USP44: variants seen among roughly 807,000 people sequenced by gnomAD.
USP44 encodes ubiquitin specific peptidase 44.
Under a neutral mutation model 69.0 loss-of-function variants are expected in USP44, and 61 were observed. The observed-to-expected ratio is 0.88, with a 90% CI of 0.72 to 1.09. The LOEUF is 1.09. Among genes scored for constraint, USP44 ranks in the 50% least tolerant of loss-of-function variants. The pLI is 0.00. For missense variants in USP44, 753 were observed against 849.9 expected, an observed-to-expected ratio of 0.89 and a Z score of 1.42; for synonymous variants, 297 against 295.4, an observed-to-expected ratio of 1.01 and a Z score of -0.06.
At chr12:95,526,914 T>A (rs1240112897) in intron 3 of USP44, among the ~76,000 whole-genome samples, 4 of 152,264 alleles carry the variant, frequency 2.6e-5, no homozygotes, top group East Asian at 3.9e-4. Flanking sequence ...TTCTTTTTTT[T>A]AATTTCAATA....
chr12:95,528,420 C>A (rs558159882), intron 3 of USP44, among the ~76,000 whole-genome samples: 1 of 152,326 alleles, frequency 6.6e-6, no homozygotes, highest in East Asian at 1.9e-4. Flanking sequence ...TATAGACATA[C>A]ACACACGCAT....
Position 95,535,583 on chromosome 12 carries a change from A to G in USP44, c.-70-1257T>C, listed in dbSNP as rs1007397322. On this transcript the variant is annotated intron_variant, in intron 1 of 5. Coordinates refer to ENST00000258499, the MANE Select transcript of USP44 (RefSeq NM_032147.5). Reference sequence around the variant, plus strand: ...AGCAGGCCTAAACCTATCTGAAATTATAAGCTTATTTTTTTAAAAAAGCTT... The same window carrying G: ...AGCAGGCCTAAACCTATCTGAAATTGTAAGCTTATTTTTTTAAAAAAGCTT... Among the ~76,000 whole-genome samples the G allele has an allele frequency of 2.0e-5, 3 of 152,234 alleles. No individual in the cohort carries two copies. The East Asian group carries it at 5.8e-4, about 29-fold the overall frequency.
chr12:95,540,500 G>A lies in USP44; in HGVS notation c.-70-6174C>T, dbSNP rs1402243914. 2.6e-5 allele frequency among the ~76,000 whole-genome samples: 4 copies of A among 151,788 alleles called. No homozygotes were observed. In the South Asian group the frequency reaches 6.3e-4, roughly 24 times the overall value. The stretch of plus-strand genomic sequence containing the variant: ...TGGGATTACAGGCACATGCCACCAC[G>A]CAAGGCGAATTTTGTATTTTTAGTA... On this transcript the variant is annotated intron_variant, in intron 1 of 5. Transcript: ENST00000258499.
Position 95,533,918 on chromosome 12 carries a change from T to G in USP44, c.339A>C (p.Thr113=). Reference sequence around the variant, plus strand: ...ACCGTAAAAACCTCCCACTACGAGTTGTGCAGTGATAATTTTGACTTTTGA... The same window carrying G: ...ACCGTAAAAACCTCCCACTACGAGTGGTGCAGTGATAATTTTGACTTTTGA... ...SAIKSQNYHC[T]TRSGRFLRSM... is the part of the protein sequence containing the mutation. The change falls in exon 2 of 6, where the codon ACA becomes ACC. Residue 113 remains threonine (T), a synonymous_variant. Coordinates refer to ENST00000258499, the MANE Select transcript of USP44 (RefSeq NM_032147.5). 6.2e-7 allele frequency: 1 copy of G among 1,614,198 alleles called. No homozygotes were observed. Among genetic ancestry groups the G allele is most frequent in the East Asian group, 2.2e-5 (1 of 44,886 alleles).
chr12:95,534,125 G>A lies in USP44; in HGVS notation c.132C>T (p.Cys44=), dbSNP rs759169075. 17 of 1,614,072 alleles carry A rather than the reference G, an allele frequency of 1.1e-5. No homozygotes were observed. The highest frequency in any genetic ancestry group is 1.4e-5 in the Non-Finnish European group (16 of 1,180,040). Residue 44 remains cysteine (C), a synonymous_variant, in exon 2 of 6, where the codon TGC becomes TGT. Transcript: ENST00000258499. ...TTESIWACLS[C]SHVACGRYIE... The stretch of plus-strand genomic sequence containing the variant: ...TATATCTTCCACAGGCAACATGGGA[G>A]CAGCTAAGGCAAGCCCAAATGGACT...
intron 1 of USP44, chr12:95,546,951 A>G (rs998421298): frequency 2.6e-5 from 4 of 152,200 alleles, no homozygotes; most frequent in African/African-American, 4.8e-5. Flanking sequence ...GGTAGAGTGG[A>G]TATGACGCTT....
At chr12:95,519,565 C>A (rs192600526) in intron 5 of USP44, among the ~76,000 whole-genome samples, 1 of 150,668 alleles carries the variant, frequency 6.6e-6, no homozygotes, top group African/African-American at 2.4e-5. Flanking sequence ...TCAGCCTCTC[C>A]GAGTAGCTGG....
rs1769191440 is a variant in USP44 at position 95,547,221 on chromosome 12, C to G, written c.-71+4051G>C. Among the ~76,000 whole-genome samples the G allele has an allele frequency of 3.9e-5, 6 of 152,162 alleles. No individual in the cohort carries two copies. The South Asian group carries it at 1.2e-3, about 32-fold the overall frequency. Reference sequence around the variant, plus strand: ...AAAGTAGTCAAAATATTTCAGCTTTCTAAACTGTATGCACTGGACTAACTG... The same window carrying G: ...AAAGTAGTCAAAATATTTCAGCTTTGTAAACTGTATGCACTGGACTAACTG... On this transcript the variant is annotated intron_variant, in intron 1 of 5. Transcript: ENST00000258499.
At position 95,517,976 on chromosome 12, in the gene USP44, G is replaced by A. The variant is rs972378152; in HGVS notation, c.*178C>T. 1 of 546,052 alleles carries A rather than the reference G, an allele frequency of 1.8e-6. No individual in the cohort carries two copies. The allele number at this position is 546,052 out of a possible 1,614,324, so 33.8% of individuals were successfully genotyped here. On this transcript the variant is annotated 3_prime_UTR_variant, in exon 6 of 6. Coordinates refer to ENST00000258499, the MANE Select transcript of USP44 (RefSeq NM_032147.5). ...GTTTAAAACTCCAAATATGAAAAAA[G>A]TAGTTACCTTCAGTTGATATATACA...
chr12:95,540,141 C>G (rs980718156), intron 1 of USP44, among the ~76,000 whole-genome samples: 1 of 152,156 alleles, frequency 6.6e-6, no homozygotes, highest in African/African-American at 2.4e-5. Context: ...CAGTTCTAGA[C>G]AGCTAACTAC....
intron 1 of USP44, among the ~76,000 whole-genome samples, chr12:95,538,652 T>C (rs1005525264): frequency 1.3e-5 from 2 of 152,200 alleles, no homozygotes; most frequent in African/African-American, 4.8e-5. Flanking sequence ...CCACTTACCC[T>C]GTCTACTTAT....
At position 95,533,684 on chromosome 12, in the gene USP44, C is replaced by T; in HGVS notation, c.573G>A (p.Lys191=). The part of the protein sequence containing the change: ...QEKIVVKREV[K]KRRQELEYQV... ...GATACTCCAATTCCTGCCGTCTTTT[C>T]TTTACTTCTCTTTTTACTACTATTT... The change falls in exon 2 of 6, where the codon AAG becomes AAA. Residue 191 remains lysine, a synonymous_variant. Coordinates refer to ENST00000258499, the MANE Select transcript of USP44 (RefSeq NM_032147.5). 1 of 1,613,846 alleles carries T rather than the reference C, an allele frequency of 6.2e-7. No individual in the cohort carries two copies. The highest frequency in any genetic ancestry group is 8.5e-7 in the Non-Finnish European group (1 of 1,180,004).
chr12:95,531,616 C>T, intron 2 of USP44, among the ~76,000 whole-genome samples: 1 of 152,128 alleles, frequency 6.6e-6, no homozygotes, highest in East Asian at 1.9e-4. Context: ...CTAATTGACA[C>T]AAAATCTTTG....
intron 5 of USP44, among the ~76,000 whole-genome samples, chr12:95,519,432 A>ATTTTTTTTT (rs60940181): frequency 1.2e-5 from 1 of 84,538 alleles, no homozygotes; most frequent in Non-Finnish European, 2.2e-5. Context: ...CTCAATCTGT[A>ATTTTTTTTT]TTTTTTTTTT....
At chr12:95,531,391 G>A (rs2077016569) in intron 2 of USP44, among the ~76,000 whole-genome samples, 1 of 151,978 alleles carries the variant, frequency 6.6e-6, no homozygotes, top group Non-Finnish European at 1.5e-5. Context: ...AAAAAGACTA[G>A]AAAATATACC....
At chr12:95,519,228 C>T (rs1162310013) in intron 5 of USP44, among the ~76,000 whole-genome samples, 4 of 151,974 alleles carry the variant, frequency 2.6e-5, no homozygotes, top group African/African-American at 9.7e-5. Flanking sequence ...TTGTTATATG[C>T]ACTCTGTTAA....
intron 3 of USP44, among the ~76,000 whole-genome samples, chr12:95,525,155 T>G (rs1405622059): frequency 6.6e-6 from 1 of 152,232 alleles, no homozygotes; most frequent in Non-Finnish European, 1.5e-5. Flanking sequence ...CACCACAACC[T>G]CCGCCTCCTG....
chr12:95,533,469 T>C lies in USP44; in HGVS notation c.788A>G (p.Lys263Arg). The change falls in exon 2 of 6, where the codon AAA becomes AGA. Residue 263 changes from lysine to arginine, a missense_variant. By Grantham distance (26) the Lys-to-Arg change is conservative. Transcript: ENST00000258499. Reference sequence around the variant, plus strand: ...ACCAGGAGTTACTATTGGCCTTCGTTTAACTGAGGAGTCACTGACTTTTTG... The same window carrying C: ...ACCAGGAGTTACTATTGGCCTTCGTCTAACTGAGGAGTCACTGACTTTTTG... ...ISQKVSDSSV[K>R]RRPIVTPGVT... is the part of the protein sequence containing the mutation. 1 of 1,614,198 alleles carries C rather than the reference T, an allele frequency of 6.2e-7. No individual in the cohort carries two copies. The highest frequency in any genetic ancestry group is 8.5e-7 in the Non-Finnish European group (1 of 1,180,026).
At chr12:95,518,441 G>C in intron 5 of USP44, 88 bp from the exon 6 acceptor site, 2 of 1,333,028 alleles carry the variant, frequency 1.5e-6, no homozygotes, top group Non-Finnish European at 2.1e-6. Context: ...TTTCTGAAGG[G>C]AAAATAATTT....
Sources: gnomAD v4.1 joint callset for allele counts (sites outside exome capture counted in the v4.1 genomes callset) on GRCh38, gnomAD v4.1.1 for gene constraint, MANE v1.5 for transcripts, NCBI Gene and HGNC (gene_info 2026-07-23, HGNC 2026-07-21) for gene names.